The following ARHGAP31 variants were observed in gnomAD, a reference collection of about 807,000 sequenced individuals.
ARHGAP31 encodes the protein rho GTPase-activating protein 31.
In ARHGAP31, 34 loss-of-function variants were observed where a neutral mutation model predicts 113.9. The ratio of observed to expected loss-of-function variants is 0.30; its 90% CI spans 0.23 to 0.40. ARHGAP31 has a LOEUF of 0.40. Among genes scored for constraint, ARHGAP31 ranks in the 10% least tolerant of loss-of-function variants. The probability of loss-of-function intolerance (pLI) is 1.00; values close to 1 mark genes in which losing one functional copy is unlikely to be tolerated. For missense variants in ARHGAP31, 1,548 were observed against 1,767.1 expected (o/e 0.88, Z 2.22); for synonymous variants, 650 against 684.8 (o/e 0.95, Z 0.79).
intron 3 of ARHGAP31, among the ~76,000 whole-genome samples, chr3:119,375,885 C>T (rs1479811927): frequency 6.6e-6 from 1 of 152,154 alleles, no homozygotes; most frequent in African/African-American, 2.4e-5. Context: ...CACTCTTACT[C>T]TGTTCCTCAA....
At chr3:119,402,483 C>T in intron 10 of ARHGAP31, 86 bp downstream of exon 10, 1 of 1,429,272 alleles carries the variant, frequency 7.0e-7, no homozygotes, top group South Asian at 1.2e-5. Context: ...CAATATAGTG[C>T]GGTGGTTAAG....
intron 6 of ARHGAP31, among the ~76,000 whole-genome samples, chr3:119,390,217 T>TA (rs1397382417): frequency 7.3e-5 from 11 of 151,416 alleles, no homozygotes; most frequent in Admixed American, 6.6e-5. Flanking sequence ...GGGTAGTGAG[T>TA]AAAAAAACCA....
chr3:119,402,133 C>A lies in ARHGAP31; in HGVS notation c.1381C>A (p.Pro461Thr), dbSNP rs146278925. 373 of 1,614,274 alleles carry A rather than the reference C, an allele frequency of 2.3e-4. 3 individuals are homozygous for A. In the East Asian group the frequency reaches 7.7e-3, roughly 33 times the overall value. ...TATGTTCTACACTTCGAACGACAGC[C>A]CTAGCAAATCCGTCTTCACCAGCAG... ...LGMFYTSNDS[P>T]SKSVFTSSLF... Residue 461 changes from proline to threonine, a missense_variant, in exon 10 of 12, where the codon CCT becomes ACT. Transcript: ENST00000264245.
At chr3:119,354,476 T>G (rs1283284842) in intron 1 of ARHGAP31, among the ~76,000 whole-genome samples, 2 of 147,842 alleles carry the variant, frequency 1.4e-5, no homozygotes, top group African/African-American at 5.0e-5. Flanking sequence ...TGTGTGTGGT[T>G]TGTGTGTGTG....
chr3:119,395,151 T>C (rs2080539390), intron 8 of ARHGAP31, among the ~76,000 whole-genome samples: 2 of 152,166 alleles, frequency 1.3e-5, no homozygotes, highest in South Asian at 2.1e-4. Flanking sequence ...CTATAGGAAA[T>C]ATGTGAGATA....
intron 1 of ARHGAP31, among the ~76,000 whole-genome samples, chr3:119,309,974 T>G (rs1196069318): frequency 6.8e-6 from 1 of 148,134 alleles, no homozygotes; most frequent in Non-Finnish European, 1.5e-5. Flanking sequence ...TAATCTCAGG[T>G]CTCAAAAAAG....
In ARHGAP31 at chr3:119,339,321, A is replaced by G. The variant is rs73854495; in HGVS notation, c.101-25995A>G. Among the ~76,000 whole-genome samples the G allele has an allele frequency of 2.5e-3, 379 of 152,338 alleles. 2 individuals carry two copies. The highest frequency in any genetic ancestry group is 8.5e-3 in the African/African-American group (352 of 41,562). ...ATCAAAGAGATCTTATAAACAACAT[A>G]GCAAAGATGTCTATTTTTCCCTAAG... On this transcript the variant is annotated intron_variant, in intron 1 of 11. Coordinates refer to ENST00000264245, the MANE Select transcript of ARHGAP31 (RefSeq NM_020754.4).
chr3:119,355,334 A>G (rs974071992), intron 1 of ARHGAP31, among the ~76,000 whole-genome samples: 35 of 152,158 alleles, frequency 2.3e-4, no homozygotes, highest in Non-Finnish European at 5.9e-5. Context: ...ACAAATAAAA[A>G]CCCACCTAAA....
intron 6 of ARHGAP31, among the ~76,000 whole-genome samples, chr3:119,384,017 C>G (rs1559987520): frequency 6.6e-6 from 1 of 152,196 alleles, no homozygotes; most frequent in Non-Finnish European, 1.5e-5. Flanking sequence ...GCATTTCTAA[C>G]AAGTTTTCAG....
intron 9 of ARHGAP31, among the ~76,000 whole-genome samples, chr3:119,400,014 G>A (rs901851292): frequency 6.6e-6 from 1 of 152,242 alleles, no homozygotes; most frequent in African/African-American, 2.4e-5. Flanking sequence ...GCAACAGACT[G>A]TTAAAACTCC....
intron 6 of ARHGAP31, among the ~76,000 whole-genome samples, chr3:119,384,332 A>C (rs2080430063): frequency 6.6e-6 from 1 of 152,220 alleles, no homozygotes; most frequent in South Asian, 2.1e-4. Context: ...TAATGTATTC[A>C]CAGAATTGTA....
At chr3:119,308,407 G>A (rs565127065) in intron 1 of ARHGAP31, among the ~76,000 whole-genome samples, 32 of 152,324 alleles carry the variant, frequency 2.1e-4, no homozygotes, top group African/African-American at 7.0e-4. Context: ...AGGCTCTGGG[G>A]AAGAATCCAT....
At chr3:119,366,797 G>T (rs114534850) in intron 2 of ARHGAP31, among the ~76,000 whole-genome samples, 56 of 148,450 alleles carry the variant, frequency 3.8e-4, no homozygotes, top group African/African-American at 1.4e-3. Context: ...GCATGGCATA[G>T]TTCTCTTTTA....
In ARHGAP31 at chr3:119,415,414, C is replaced by A; in HGVS notation, c.3485C>A (p.Pro1162His). ...CCCTGGAGGGTTTACTCCCAGGACC[C>A]CCAGGACCTGGACATTGTTGCTCAT... ...ADPWRVYSQD[P>H]QDLDIVAHAL... Residue 1162 changes from proline to histidine, a missense_variant, in exon 12 of 12, where the codon CCC becomes CAC. Physicochemically the swap from Pro to His is moderately conservative, Grantham distance 77. Transcript: ENST00000264245. 6.2e-7 allele frequency: 1 copy of A among 1,614,046 alleles called. No homozygotes were observed. Among genetic ancestry groups the A allele is most frequent in the Non-Finnish European group, 8.5e-7 (1 of 1,180,026 alleles).
Position 119,399,367 on chromosome 3 carries a change from C to T in ARHGAP31, c.1069+106C>T, listed in dbSNP as rs145476777. 453 of 966,290 alleles carry T rather than the reference C, an allele frequency of 4.7e-4. 3 individuals are homozygous for T. The highest frequency in any genetic ancestry group is 4.2e-3 in the African/African-American group (262 of 62,136). The allele number at this position is 966,290 out of a possible 1,614,324, so 59.9% of individuals were successfully genotyped here. A position where few individuals can be genotyped will look rare whatever the true frequency, so the allele number is the denominator to read the frequency against. ...CTGCTTCTCTATAGTCACAGTCACA[C>T]ACAACTACCTAGTCCCAAATCCCTC... On this transcript the variant is annotated intron_variant, in intron 9 of 11. Transcript: ENST00000264245.
intron 6 of ARHGAP31, among the ~76,000 whole-genome samples, chr3:119,387,440 A>G (rs570585290): frequency 1.3e-5 from 2 of 152,342 alleles, no homozygotes; most frequent in East Asian, 1.9e-4. Context: ...AATCATATCT[A>G]AGATCTATAT....
At chr3:119,390,365 C>A (rs1264174172) in intron 6 of ARHGAP31, among the ~76,000 whole-genome samples, 1 of 152,206 alleles carries the variant, frequency 6.6e-6, no homozygotes, top group Non-Finnish European at 1.5e-5. Context: ...CAGCCTCCTG[C>A]CCTACTCTGG....
chr3:119,352,091 C>T (rs1421136397), intron 1 of ARHGAP31, among the ~76,000 whole-genome samples: 1 of 152,174 alleles, frequency 6.6e-6, no homozygotes, highest in Non-Finnish European at 1.5e-5. Context: ...AAAGGATGAA[C>T]CACATAAGCC....
chr3:119,388,308 T>TATATATATATATATA (rs1553765977), intron 6 of ARHGAP31, among the ~76,000 whole-genome samples: 5,172 of 133,396 alleles, frequency 0.039, 241 homozygotes, highest in East Asian at 0.081. Context: ...TGTATAATTT[T>TATATATATATATATA]TATATATATA....
Sources: gnomAD v4.1 joint callset for allele counts (sites outside exome capture counted in the v4.1 genomes callset) on GRCh38, gnomAD v4.1.1 for gene constraint, MANE v1.5 for transcripts, NCBI Gene and HGNC (gene_info 2026-07-23, HGNC 2026-07-21) for gene names.